The following OSGIN1 variants were observed in gnomAD, a reference collection of about 807,000 sequenced individuals.
The protein encoded by OSGIN1 is oxidative stress induced growth inhibitor 1, also known as oxidative stress-induced growth inhibitor 1.
Under a neutral mutation model 20.1 loss-of-function variants are expected in OSGIN1, and 19 were observed. The observed-to-expected ratio is 0.95, with a 90% CI of 0.66 to 1.39. The LOEUF (loss-of-function observed/expected upper bound fraction) is 1.39. Ranked by LOEUF, OSGIN1 falls within the 40% of genes most tolerant of loss-of-function variation. The pLI is 0.00. For missense variants in OSGIN1, 820 were observed against 653.0 expected, an observed-to-expected ratio of 1.26 and a Z score of -2.79; for synonymous variants, 368 against 297.8, an observed-to-expected ratio of 1.24 and a Z score of -2.43.
chr16:83,962,574 G>A (rs1331139608), intron 5 of OSGIN1, among the ~76,000 whole-genome samples: 2 of 152,206 alleles, frequency 1.3e-5, no homozygotes, highest in Admixed American at 6.5e-5. Context: ...GGTTGAAGAC[G>A]CACAACCATG....
chr16:83,965,660 A>G lies in OSGIN1; in HGVS notation c.1087A>G (p.Arg363Gly), dbSNP rs2084270449. The G allele has an allele frequency of 6.2e-7, 1 of 1,613,390 alleles. No individual in the cohort carries two copies. The highest frequency in any genetic ancestry group is 1.3e-5 in the African/African-American group (1 of 75,042). The change falls in exon 6 of 6, where the codon AGG becomes GGG. Residue 363 changes from arginine to glycine, a missense_variant. By Grantham distance (125) the Arg-to-Gly change is moderately radical. Transcript: ENST00000393306. ...CTATGAGGGTTACCGCAGCCTCCCCAGGCACCAGCTGCTGTGCTTCAAGGA... is the reference window on the plus strand; with the variant it reads ...CTATGAGGGTTACCGCAGCCTCCCCGGGCACCAGCTGCTGTGCTTCAAGGA... The part of the protein sequence containing the change: ...SPYEGYRSLP[R>G]HQLLCFKEDC...
chr16:83,965,144 A>T lies in OSGIN1; in HGVS notation c.571A>T (p.Asn191Tyr). 1 of 1,613,424 alleles carries T rather than the reference A, an allele frequency of 6.2e-7. No individual in the cohort carries two copies. The highest frequency in any genetic ancestry group is 8.5e-7 in the Non-Finnish European group (1 of 1,179,982). The change falls in exon 6 of 6, where the codon AAC becomes TAC. Residue 191 changes from asparagine to tyrosine, a missense_variant. Asn to Tyr is a moderately radical substitution (Grantham distance 143). Transcript: ENST00000393306. ...CGTGGTCAAGAAGGGTCTGGGGCATAACTTTGTGTCCGGTGCTGTAGTCAC... is the reference window on the plus strand; with the variant it reads ...CGTGGTCAAGAAGGGTCTGGGGCATTACTTTGTGTCCGGTGCTGTAGTCAC... Reference protein sequence around the residue: ...DYVVKKGLGHNFVSGAVVTAV... With the variant: ...DYVVKKGLGHYFVSGAVVTAV...
intron 1 of OSGIN1, chr16:83,957,118 G>A (rs1353174037): frequency 6.5e-6 from 1 of 154,772 alleles, no homozygotes; most frequent in Non-Finnish European, 1.4e-5. Context: ...AACCACCCTA[G>A]GAGGTAGGGA....
In OSGIN1 at chr16:83,953,242, A is replaced by T. The variant is rs771352593; in HGVS notation, c.-161A>T. On this transcript the variant is annotated 5_prime_UTR_variant, in exon 1 of 6. Transcript: ENST00000393306. ...CCCTCACTTCCCTCTGGCCTCTCAG[A>T]GCCTCTTGGATCCCCACAGGGTAAT... is the stretch of plus-strand genomic sequence containing the variant. 286 of 1,283,076 alleles carry T rather than the reference A, an allele frequency of 2.2e-4. No individual in the cohort carries two copies. Among genetic ancestry groups the T allele is most frequent in the Non-Finnish European group, 2.8e-4 (275 of 984,958 alleles). 79.5% of individuals were successfully genotyped at this position (1,283,076 alleles called of 1,614,324 possible).
chr16:83,965,053 C>G lies in OSGIN1; in HGVS notation c.489-9C>G, dbSNP rs775924318. The G allele has an allele frequency of 1.3e-6, 2 of 1,495,952 alleles. No homozygotes were observed. The highest frequency in any genetic ancestry group is 1.4e-5 in the African/African-American group (1 of 72,634). 92.7% of individuals were successfully genotyped at this position (1,495,952 alleles called of 1,614,324 possible). A position where few individuals can be genotyped will look rare whatever the true frequency, so the allele number is the denominator to read the frequency against. ...GTCTGACTCTGGCGTCCTGCATCCT[C>G]CCCAACAGAGGTCTTCGCAACAGCC... On this transcript the variant is annotated splice_polypyrimidine_tract_variant and intron_variant, in intron 5 of 5. Transcript: ENST00000393306.
chr16:83,961,294 A>G, intron 5 of OSGIN1: 3 of 535,860 alleles, frequency 5.6e-6, no homozygotes, highest in Non-Finnish European at 6.7e-6. Flanking sequence ...AATATTTGTA[A>G]GAAGTACATT....
At chr16:83,964,919 G>C in intron 5 of OSGIN1, 143 bp from the exon 6 acceptor site, 1 of 640,944 alleles carries the variant, frequency 1.6e-6, no homozygotes, top group Non-Finnish European at 2.7e-6. Context: ...GAGGCTTAGA[G>C]AGGTTGAATT....
At position 83,960,621 on chromosome 16, in the gene OSGIN1, C is replaced by T. The variant is rs766585062; in HGVS notation, c.257C>T (p.Ala86Val). Residue 86 changes from alanine to valine, a missense_variant, in exon 4 of 6, where the codon GCC becomes GTC. Coordinates refer to ENST00000393306, the MANE Select transcript of OSGIN1 (RefSeq NM_182981.3). The part of the protein sequence containing the change: ...GLEGRSQSPV[A>V]LLFDALLRPD... ...GAAGGCCGATCCCAAAGCCCCGTGGCCCTGCTCTTTGATGCCCTTCTACGC... is the reference window on the plus strand; with the variant it reads ...GAAGGCCGATCCCAAAGCCCCGTGGTCCTGCTCTTTGATGCCCTTCTACGC... 4.3e-6 allele frequency: 7 copies of T among 1,613,540 alleles called. No individual in the cohort carries two copies. The Admixed American group carries it at 6.7e-5, about 15-fold the overall frequency.
intron 5 of OSGIN1, among the ~76,000 whole-genome samples, chr16:83,962,474 C>T (rs1267262024): frequency 6.6e-6 from 1 of 152,224 alleles, no homozygotes; most frequent in South Asian, 2.1e-4. Context: ...ATCTCCTGAT[C>T]TCGTGATCCG....
Position 83,966,249 on chromosome 16 carries a change from G to A in OSGIN1, c.*242G>A, listed in dbSNP as rs536713912. On this transcript the variant is annotated 3_prime_UTR_variant, in exon 6 of 6. Coordinates refer to ENST00000393306, the MANE Select transcript of OSGIN1 (RefSeq NM_182981.3). ...GGGATTTGTGGGGAAAGCTGCTGGT[G>A]TGACCAGCTGAGCACCCAGCCAGGA... is the stretch of plus-strand genomic sequence containing the variant. 5.4e-5 allele frequency: 29 copies of A among 539,816 alleles called. No homozygotes were observed. The South Asian group carries it at 7.5e-4, about 14-fold the overall frequency. The allele number at this position is 539,816 out of a possible 1,614,324, so 33.4% of individuals were successfully genotyped here.
In OSGIN1 at chr16:83,966,286, C is replaced by T. The variant is rs1483785543; in HGVS notation, c.*279C>T. 1 of 484,268 alleles carries T rather than the reference C, an allele frequency of 2.1e-6. No homozygotes were observed. Among genetic ancestry groups the T allele is most frequent in the African/African-American group, 1.9e-5 (1 of 51,708 alleles). 30.0% of individuals were successfully genotyped at this position (484,268 alleles called of 1,614,324 possible). ...GCACCCAGCCAGGAGACCTGCAGCC[C>T]TGCGCCTTCCAGAAGCAGGTCCCAA... On this transcript the variant is annotated 3_prime_UTR_variant, in exon 6 of 6. Coordinates refer to ENST00000393306, the MANE Select transcript of OSGIN1 (RefSeq NM_182981.3).
chr16:83,959,982 C>G (rs2665295), intron 3 of OSGIN1, among the ~76,000 whole-genome samples: 10,525 of 152,272 alleles, frequency 0.069, 409 homozygotes, highest in Middle Eastern at 0.13. Context: ...TGTGCTCCTC[C>G]ACGACCTCCC....
chr16:83,957,702 G>C lies in OSGIN1; in HGVS notation c.31G>C (p.Ala11Pro), dbSNP rs781547435. 15 of 1,605,868 alleles carry C rather than the reference G, an allele frequency of 9.3e-6. No individual in the cohort carries two copies. The highest frequency in any genetic ancestry group is 1.7e-5 in the Admixed American group (1 of 59,186). ...CTCCTCCAGAAAGGACCACCTCGGC[G>C]CCAGCAGCTCAGAGCCCCTCCCGGT... MSSSRKDHLG[A>P]SSSEPLPVII... is the part of the protein sequence containing the mutation. Residue 11 changes from alanine (A) to proline (P), a missense_variant, in exon 2 of 6, where the codon GCC becomes CCC. Coordinates refer to ENST00000393306, the MANE Select transcript of OSGIN1 (RefSeq NM_182981.3).
At chr16:83,958,475 A>T (rs1264953008) in intron 2 of OSGIN1, among the ~76,000 whole-genome samples, 3 of 152,036 alleles carry the variant, frequency 2.0e-5, no homozygotes, top group Non-Finnish European at 4.4e-5. Flanking sequence ...GGGACAGATG[A>T]CCCCCCAGTA....
Position 83,957,725 on chromosome 16 carries a change from G to T in OSGIN1, c.54G>T (p.Pro18=). The change falls in exon 2 of 6, where the codon CCG becomes CCT. Residue 18 remains proline, a synonymous_variant. Coordinates refer to ENST00000393306, the MANE Select transcript of OSGIN1 (RefSeq NM_182981.3). ...GCGCCAGCAGCTCAGAGCCCCTCCC[G>T]GTCATCATTGTGGGTGAGTGTCAGG... ...HLGASSSEPL[P]VIIVGNGPSG... is the part of the protein sequence containing the mutation. The T allele has an allele frequency of 1.3e-6, 2 of 1,594,166 alleles. No individual in the cohort carries two copies. Among genetic ancestry groups the T allele is most frequent in the Non-Finnish European group, 1.7e-6 (2 of 1,169,202 alleles).
intron 5 of OSGIN1, 128 bp downstream of exon 5, chr16:83,961,200 C>G (rs937269269): frequency 4.3e-6 from 3 of 705,154 alleles, no homozygotes; most frequent in Non-Finnish European, 7.4e-6. Context: ...CCGTGACAGC[C>G]TCAGGAAGTC....
At chr16:83,961,420 C>T (rs2084210081) in intron 5 of OSGIN1, among the ~76,000 whole-genome samples, 1 of 152,110 alleles carries the variant, frequency 6.6e-6, no homozygotes, top group African/African-American at 2.4e-5. Flanking sequence ...TTCTGATGAG[C>T]CTCTCCAAAT....
At chr16:83,954,851 T>C in intron 1 of OSGIN1, 1 of 577,264 alleles carries the variant, frequency 1.7e-6, no homozygotes, top group Non-Finnish European at 2.2e-6. Flanking sequence ...AATGCCCTTC[T>C]TGGGGTGGTG....
At position 83,965,041 on chromosome 16, in the gene OSGIN1, G is replaced by A. The variant is rs184417913; in HGVS notation, c.489-21G>A. The A allele has an allele frequency of 4.3e-4, 652 of 1,518,974 alleles. 3 individuals carry two copies. The East Asian group carries it at 0.013, about 31-fold the overall frequency. 94.1% of individuals were successfully genotyped at this position (1,518,974 alleles called of 1,614,324 possible). On this transcript the variant is annotated intron_variant, in intron 5 of 5. Coordinates refer to ENST00000393306, the MANE Select transcript of OSGIN1 (RefSeq NM_182981.3). ...ACCCCTAACAGTGTCTGACTCTGGC[G>A]TCCTGCATCCTCCCCAACAGAGGTC... is the stretch of plus-strand genomic sequence containing the variant.
Sources: gnomAD v4.1 joint callset for allele counts (sites outside exome capture counted in the v4.1 genomes callset) on GRCh38, gnomAD v4.1.1 for gene constraint, MANE v1.5 for transcripts, NCBI Gene and HGNC (gene_info 2026-07-23, HGNC 2026-07-21) for gene names.